The following TSPAN4 variants were observed in gnomAD, a reference collection of about 807,000 sequenced individuals.
TSPAN4 encodes tetraspanin 4, also known as tetraspanin-4.
TSPAN4 carries 38 observed loss-of-function variants against 31.5 expected under a neutral mutation model. The observed-to-expected ratio is 1.21, with a 90% CI of 0.93 to 1.58. TSPAN4 has a LOEUF of 1.58. Ranked by LOEUF, TSPAN4 falls within the 40% of genes most tolerant of loss-of-function variation. The pLI, the probability that TSPAN4 is intolerant of heterozygous loss-of-function variation, is 0.00. For synonymous variants in TSPAN4, 186 were observed against 144.6 expected, an observed-to-expected ratio of 1.29 and a Z score of -2.06; for missense variants, 330 against 317.3, an observed-to-expected ratio of 1.04 and a Z score of -0.30.
Position 859,180 on chromosome 11 carries a change from G to A in TSPAN4, c.64-3370G>A, listed in dbSNP as rs189761889. ...GGCTCACACGCACCCCAGGTCACACGCATCCCCTCACATGCACCCAGGCTC... is the reference window on the plus strand; with the variant it reads ...GGCTCACACGCACCCCAGGTCACACACATCCCCTCACATGCACCCAGGCTC... On this transcript the variant is annotated intron_variant, in intron 3 of 8. Transcript: ENST00000397397. 6.6e-5 allele frequency among the ~76,000 whole-genome samples: 6 copies of A among 91,290 alleles called. No homozygotes were observed. The East Asian group carries it at 1.4e-3, about 22-fold the overall frequency. 59.9% of individuals were successfully genotyped at this position (91,290 alleles called of 152,430 possible). A position where few individuals can be genotyped will look rare whatever the true frequency, so the allele number is the denominator to read the frequency against.
rs1172589949 is a variant in TSPAN4 at position 866,547 on chromosome 11, C to T, written c.649-15C>T. On this transcript the variant is annotated splice_polypyrimidine_tract_variant and intron_variant, in intron 8 of 8. Coordinates refer to ENST00000397397, the MANE Select transcript of TSPAN4 (RefSeq NM_003271.5). ...TGTGGAGCTGCCATGCCCAGTCCTC[C>T]TCCCCTACCTACAGATCCTGGGCCT... 6 of 1,611,916 alleles carry T rather than the reference C, an allele frequency of 3.7e-6. No homozygotes were observed. In the African/African-American group the frequency reaches 6.7e-5, roughly 18 times the overall value.
rs1848518545 is a variant in TSPAN4 at position 862,585 on chromosome 11, G to A, written c.99G>A (p.Trp33Ter). 1.9e-6 allele frequency: 3 copies of A among 1,611,268 alleles called. No individual in the cohort carries two copies. The South Asian group carries it at 3.3e-5, about 18-fold the overall frequency. ...GGCGVLGVGI[W>*]LAATQGSFAT... ...GTGGCGTGCTGGGTGTCGGCATCTG[G>A]CTGGCCGCCACACAGGGGAGCTTCG... The change falls in exon 4 of 9, where the codon TGG (tryptophan) becomes TGA (stop). Residue 33 changes from tryptophan (W) to a stop codon, truncating the protein, a stop_gained. Transcript: ENST00000397397. LOFTEE classifies it high-confidence loss of function.
rs1389480579 is a variant in TSPAN4, at chr11:848,075, CAT to C, written c.-18+776_-18+777del. ...GGTGCTCTGAGCGCTGCCCAGGTCA[CAT>C]GTGAGCTCCCTGGAGGCGCTGCACA... On this transcript the variant is annotated intron_variant, in intron 2 of 8. Coordinates refer to ENST00000397397, the MANE Select transcript of TSPAN4 (RefSeq NM_003271.5). The surrounding 1 kb of genome is among the most constrained non-coding windows in gnomAD (Gnocchi z 5.7). Among the ~76,000 whole-genome samples the C allele has an allele frequency of 4.6e-5, 7 of 152,218 alleles. No homozygotes were observed. Among genetic ancestry groups the C allele is most frequent in the African/African-American group, 9.6e-5 (4 of 41,458 alleles).
intron 5 of TSPAN4, 55 bp from the exon 6 acceptor site, chr11:865,458 T>C: frequency 6.9e-7 from 1 of 1,456,664 alleles, no homozygotes; most frequent in South Asian, 1.2e-5. Flanking sequence ...GGGGTCTGGA[T>C]GAGGGAGGCG....
intron 3 of TSPAN4, among the ~76,000 whole-genome samples, 200 bp downstream of exon 3, chr11:850,567 G>T (rs1847623674): frequency 6.6e-6 from 1 of 152,202 alleles, no homozygotes; most frequent in South Asian, 2.1e-4. Context: ...ACCATCGCGG[G>T]GTCCGCCCCC....
At position 850,291 on chromosome 11, in the gene TSPAN4, T is replaced by A; in HGVS notation, c.-14T>A. ...CTCTCCTTCATCTTCCTCCTAGAACTGAAGCGCTGCGGCATGGCGCGCGCC... is the reference window on the plus strand; with the variant it reads ...CTCTCCTTCATCTTCCTCCTAGAACAGAAGCGCTGCGGCATGGCGCGCGCC... On this transcript the variant is annotated 5_prime_UTR_variant, in exon 3 of 9. Transcript: ENST00000397397. The A allele has an allele frequency of 6.2e-7, 1 of 1,606,462 alleles. No homozygotes were observed. The highest frequency in any genetic ancestry group is 8.5e-7 in the Non-Finnish European group (1 of 1,177,850).
chr11:850,217 G>A (rs1394424282), intron 2 of TSPAN4, 71 bp from the exon 3 acceptor site: 4 of 1,315,908 alleles, frequency 3.0e-6, no homozygotes, highest in South Asian at 2.6e-5. Flanking sequence ...CGGCCCAGGC[G>A]CGCTACACGT....
At chr11:861,802 C>G (rs1200818696) in intron 3 of TSPAN4, among the ~76,000 whole-genome samples, 3 of 151,996 alleles carry the variant, frequency 2.0e-5, no homozygotes, top group African/African-American at 7.2e-5. Flanking sequence ...TGCCTGTAAT[C>G]CCAGCTACTT....
Position 862,604 on chromosome 11 carries a change from A to C in TSPAN4, c.118A>C (p.Ser40Arg). The C allele has an allele frequency of 6.2e-7, 1 of 1,612,564 alleles. No individual in the cohort carries two copies. The highest frequency in any genetic ancestry group is 8.5e-7 in the Non-Finnish European group (1 of 1,179,666). The stretch of plus-strand genomic sequence containing the variant: ...CATCTGGCTGGCCGCCACACAGGGG[A>C]GCTTCGCCACGCTGTCCTCTTCCTT... ...VGIWLAATQG[S>R]FATLSSSFPS... The change falls in exon 4 of 9, where the codon AGC becomes CGC. Residue 40 changes from serine to arginine, a missense_variant. Coordinates refer to ENST00000397397, the MANE Select transcript of TSPAN4 (RefSeq NM_003271.5).
At chr11:855,017 G>T (rs903474957) in intron 3 of TSPAN4, among the ~76,000 whole-genome samples, 5 of 152,220 alleles carry the variant, frequency 3.3e-5, no homozygotes, top group African/African-American at 1.2e-4. Context: ...GCTCCCTGTG[G>T]GTGGGGAGCA....
chr11:850,139 C>G, intron 2 of TSPAN4, 149 bp from the exon 3 acceptor site: 1 of 591,970 alleles, frequency 1.7e-6, no homozygotes, highest in Admixed American at 3.2e-5. Context: ...GCAGCCTATA[C>G]GGGCGCGCGG....
At chr11:849,456 T>C (rs1380396873) in intron 2 of TSPAN4, among the ~76,000 whole-genome samples, 1 of 151,874 alleles carries the variant, frequency 6.6e-6, no homozygotes. Context: ...GTTCTCGTGG[T>C]TGGAGGTCTC....
chr11:845,551 C>A (rs1040389424), intron 1 of TSPAN4, among the ~76,000 whole-genome samples: 3 of 152,136 alleles, frequency 2.0e-5, no homozygotes, highest in Admixed American at 1.3e-4. Flanking sequence ...TGTGCCCCCC[C>A]AGACTGTTCT....
intron 3 of TSPAN4, among the ~76,000 whole-genome samples, chr11:861,947 T>C (rs1414186249): frequency 6.6e-6 from 1 of 151,842 alleles, no homozygotes; most frequent in East Asian, 1.9e-4. Context: ...AAGAAAGAAA[T>C]CATAACCAGG....
At chr11:852,097 C>A (rs11246333) in intron 3 of TSPAN4, among the ~76,000 whole-genome samples, 24 of 152,166 alleles carry the variant, frequency 1.6e-4, no homozygotes, top group Admixed American at 3.9e-4. Context: ...CCTTGGGACC[C>A]TATTCTGGGC....
intron 2 of TSPAN4, 88 bp downstream of exon 2, chr11:847,388 G>A (rs934507580): frequency 3.3e-5 from 5 of 152,208 alleles, no homozygotes; most frequent in African/African-American, 1.2e-4. Context: ...CAGGGGCCTT[G>A]CCAGCGGACA....
At chr11:846,776 C>T (rs921855459) in intron 1 of TSPAN4, among the ~76,000 whole-genome samples, 1 of 152,184 alleles carries the variant, frequency 6.6e-6, no homozygotes, top group Non-Finnish European at 1.5e-5. Context: ...AAGCAGACAG[C>T]AGGCTGGTCC....
chr11:865,308 G>A (rs573472996), intron 5 of TSPAN4: 1 of 586,788 alleles, frequency 1.7e-6, no homozygotes, highest in East Asian at 2.8e-5. Flanking sequence ...CCAGCCTGGG[G>A]AGGAAGCCCA....
At chr11:854,430 G>C (rs975690185) in intron 3 of TSPAN4, among the ~76,000 whole-genome samples, 7 of 152,180 alleles carry the variant, frequency 4.6e-5, no homozygotes, top group African/African-American at 1.7e-4. Context: ...AGAGGGTGAG[G>C]TCCCCATATA....
Sources: allele counts gnomAD v4.1 joint callset (sites outside exome capture counted in the v4.1 genomes callset), GRCh38; gene constraint gnomAD v4.1.1; non-coding constraint Gnocchi (gnomAD v3.1); transcripts MANE v1.5; gene names NCBI Gene and HGNC (gene_info 2026-07-23, HGNC 2026-07-21).